PTPRK: variants seen among roughly 807,000 people sequenced by gnomAD.
The protein encoded by PTPRK is receptor-type tyrosine-protein phosphatase kappa.
PTPRK carries 75 observed loss-of-function variants against 178.0 expected under a neutral mutation model. That is an observed-to-expected ratio of 0.42 (90% CI 0.35 to 0.51). The LOEUF (loss-of-function observed/expected upper bound fraction) is 0.51, where lower values mean the gene tolerates loss of function less well. PTPRK is among the 20% of genes least tolerant of loss of function. The probability of loss-of-function intolerance (pLI) is 0.02; values close to 1 mark genes in which losing one functional copy is unlikely to be tolerated. For missense variants in PTPRK, 1,441 were observed against 1,797.8 expected (o/e 0.80, Z 3.59); for synonymous variants, 637 against 620.6 (o/e 1.03, Z -0.39).
chr6:128,246,292 C>T (rs1815441296), intron 3 of PTPRK, among the ~76,000 whole-genome samples: 1 of 152,044 alleles, frequency 6.6e-6, no homozygotes, highest in East Asian at 1.9e-4. Flanking sequence ...GCTTCACTTT[C>T]TTGAGTTGTT....
chr6:128,234,602 C>G (rs192341841), intron 5 of PTPRK, among the ~76,000 whole-genome samples: 2 of 152,326 alleles, frequency 1.3e-5, no homozygotes, highest in African/African-American at 4.8e-5. Context: ...TGTCTGTCCT[C>G]TTTCCAAAAC....
chr6:128,196,874 G>A (rs1804944230), intron 6 of PTPRK, among the ~76,000 whole-genome samples: 1 of 152,116 alleles, frequency 6.6e-6, no homozygotes, highest in African/African-American at 2.4e-5. Context: ...AGCCAGGTCA[G>A]CTGAAAATTT....
chr6:128,436,173 G>A (rs1307692418), intron 1 of PTPRK, among the ~76,000 whole-genome samples: 1 of 151,968 alleles, frequency 6.6e-6, no homozygotes, highest in East Asian at 1.9e-4. Flanking sequence ...AAAATCTCAA[G>A]ATAGTCCCCA....
chr6:128,072,601 C>T (rs1298511457), intron 11 of PTPRK, among the ~76,000 whole-genome samples: 1 of 152,004 alleles, frequency 6.6e-6, no homozygotes, highest in South Asian at 2.1e-4. Context: ...TGATAAATTA[C>T]CACATTCCTT....
intron 2 of PTPRK, among the ~76,000 whole-genome samples, chr6:128,379,571 G>A (rs1442926089): frequency 6.6e-6 from 1 of 152,204 alleles, no homozygotes; most frequent in Admixed American, 6.5e-5. Flanking sequence ...GTCATGTGGT[G>A]TAAGTGCTAG....
chr6:128,378,574 T>G (rs1837435902), intron 2 of PTPRK, among the ~76,000 whole-genome samples: 1 of 152,168 alleles, frequency 6.6e-6, no homozygotes, highest in East Asian at 1.9e-4. Flanking sequence ...GAAAAAAATT[T>G]CCACTGAAAA....
At chr6:128,340,718 C>CA in intron 2 of PTPRK, 1 of 433,352 alleles carries the variant, frequency 2.3e-6, no homozygotes, top group Non-Finnish European at 4.4e-6. Flanking sequence ...TTTGTGGAAC[C>CA]AAAAATGCAA....
At chr6:128,276,010 G>A (rs1211102003) in intron 3 of PTPRK, among the ~76,000 whole-genome samples, 1 of 151,836 alleles carries the variant, frequency 6.6e-6, no homozygotes, top group Non-Finnish European at 1.5e-5. Flanking sequence ...TCAGTATGAT[G>A]ATATATGTAA....
Position 127,969,950 on chromosome 6 carries a change from G to T in PTPRK, c.*277C>A, listed in dbSNP as rs572299140. 6.6e-6 allele frequency: 2 copies of T among 300,900 alleles called. No individual in the cohort carries two copies. Among genetic ancestry groups the T allele is most frequent in the South Asian group, 8.4e-5 (1 of 11,894 alleles). 18.6% of individuals were successfully genotyped at this position (300,900 alleles called of 1,614,324 possible). On this transcript the variant is annotated 3_prime_UTR_variant, in exon 30 of 30. Transcript: ENST00000368226. ...TGAGAAAAAAGGTGGCATGTTCACT[G>T]TACAAACACCAATACGTTCTCATTT...
At chr6:128,357,728 T>C (rs2128340513) in intron 2 of PTPRK, among the ~76,000 whole-genome samples, 1 of 152,344 alleles carries the variant, frequency 6.6e-6, no homozygotes, top group South Asian at 2.1e-4. Flanking sequence ...ATGATAGAAA[T>C]ATGAAAGCTA....
At position 127,973,173 on chromosome 6, in the gene PTPRK, G is replaced by T. The variant is rs1282176242; in HGVS notation, c.4134-16C>A. On this transcript the variant is annotated splice_polypyrimidine_tract_variant and intron_variant, in intron 28 of 29. Coordinates refer to ENST00000368226, the MANE Select transcript of PTPRK (RefSeq NM_002844.4). ...GCCACCATTTCTGAAAGCAAAGAAA[G>T]CAAAGGCATTTTAGATAGCAGCACC... 2.2e-5 allele frequency: 36 copies of T among 1,613,366 alleles called. No homozygotes were observed. The highest frequency in any genetic ancestry group is 2.9e-5 in the Non-Finnish European group (34 of 1,179,676).
intron 7 of PTPRK, among the ~76,000 whole-genome samples, chr6:128,181,408 A>G (rs1054819607): frequency 2.6e-5 from 4 of 152,110 alleles, no homozygotes; most frequent in African/African-American, 9.7e-5. Flanking sequence ...AATTATCAAC[A>G]TTTATTCAAT....
intron 25 of PTPRK, among the ~76,000 whole-genome samples, chr6:127,980,261 G>A (rs1359869222): frequency 1.3e-5 from 2 of 152,196 alleles, no homozygotes; most frequent in African/African-American, 4.8e-5. Context: ...AGTGAGCCGA[G>A]ATTGTGCCAT....
intron 3 of PTPRK, among the ~76,000 whole-genome samples, chr6:128,251,334 T>C (rs570541738): frequency 1.1e-4 from 17 of 152,298 alleles, no homozygotes; most frequent in African/African-American, 4.1e-4. Context: ...GCCAACTAAA[T>C]ATGGAAGGCA....
chr6:128,245,068 A>G (rs1213486653), intron 3 of PTPRK, among the ~76,000 whole-genome samples: 1 of 152,186 alleles, frequency 6.6e-6, no homozygotes, highest in Non-Finnish European at 1.5e-5. Flanking sequence ...GTCCCAAGCT[A>G]CAGTCACACA....
chr6:128,475,110 A>G (rs1195916296), intron 1 of PTPRK, among the ~76,000 whole-genome samples: 1 of 152,092 alleles, frequency 6.6e-6, no homozygotes, highest in African/African-American at 2.4e-5. Flanking sequence ...GGCATCTATC[A>G]TCAGACTGCT....
chr6:128,055,234 C>A (rs142962287), intron 13 of PTPRK, among the ~76,000 whole-genome samples: 174 of 152,118 alleles, frequency 1.1e-3, no homozygotes, highest in African/African-American at 4.0e-3. Flanking sequence ...CAGTAAACAG[C>A]CCTCAAAGCA....
At chr6:128,467,026 G>A (rs1849936885) in intron 1 of PTPRK, among the ~76,000 whole-genome samples, 2 of 152,106 alleles carry the variant, frequency 1.3e-5, no homozygotes, top group Non-Finnish European at 1.5e-5. Flanking sequence ...GTTTGTTTGA[G>A]GCAGGGTCTC....
In PTPRK at chr6:128,322,667, A is replaced by ATATATATATATATATAT. The variant is rs1828966029; in HGVS notation, c.224-358_224-357insATATATATATATATATA. 9.0e-5 allele frequency among the ~76,000 whole-genome samples: 13 copies of ATATATATATATATATAT among 143,700 alleles called. 1 individual carries two copies. Among genetic ancestry groups the ATATATATATATATATAT allele is most frequent in the African/African-American group, 3.5e-4 (13 of 37,126 alleles). The allele number at this position is 143,700 out of a possible 152,430, so 94.3% of individuals were successfully genotyped here. ...TTACTGAACACAAGTCTTTTAATAT[A>ATATATATATATATATAT]ATATATATATATATGTATACACACA... On this transcript the variant is annotated intron_variant, in intron 2 of 29. Coordinates refer to ENST00000368226, the MANE Select transcript of PTPRK (RefSeq NM_002844.4).
Sources: allele counts gnomAD v4.1 joint callset (sites outside exome capture counted in the v4.1 genomes callset), GRCh38; gene constraint gnomAD v4.1.1; transcripts MANE v1.5; gene names NCBI Gene and HGNC (gene_info 2026-07-23, HGNC 2026-07-21).